Variants in TMEM41B observed in about 807,000 individuals in gnomAD.
The protein encoded by TMEM41B is protein stasimon.
Under a neutral mutation model 31.9 loss-of-function variants are expected in TMEM41B, and 18 were observed. The ratio of observed to expected loss-of-function variants is 0.56; its 90% CI spans 0.39 to 0.84. The LOEUF is 0.84. Among genes scored for constraint, TMEM41B ranks in the 40% least tolerant of loss-of-function variants. The pLI, the probability that TMEM41B is intolerant of heterozygous loss-of-function variation, is 0.00. For synonymous variants in TMEM41B, 144 were observed against 124.3 expected (o/e 1.16, Z -1.05); for missense variants, 322 against 348.0 (o/e 0.93, Z 0.59).
intron 1 of TMEM41B, among the ~76,000 whole-genome samples, chr11:9,303,332 G>A (rs1853301331): frequency 1.3e-5 from 2 of 152,188 alleles, no homozygotes; most frequent in East Asian, 3.9e-4. Context: ...AGAGATGGGG[G>A]TTTCACCATG....
At position 9,295,177 on chromosome 11, in the gene TMEM41B, T is replaced by C. The variant is rs190138183; in HGVS notation, c.368+82A>G. 2.3e-3 allele frequency: 2,893 copies of C among 1,274,242 alleles called. 4 individuals are homozygous for C. Among genetic ancestry groups the C allele is most frequent in the Non-Finnish European group, 2.7e-3 (2,650 of 970,698 alleles). 78.9% of individuals were successfully genotyped at this position (1,274,242 alleles called of 1,614,324 possible). On this transcript the variant is annotated intron_variant, in intron 3 of 6. Transcript: ENST00000528080. ...GCAATAACAAATTTTAAAAGGAAAATAGTTATGTATAAATGAAGAGCAGAC... is the reference window on the plus strand; with the variant it reads ...GCAATAACAAATTTTAAAAGGAAAACAGTTATGTATAAATGAAGAGCAGAC...
intron 6 of TMEM41B, among the ~76,000 whole-genome samples, chr11:9,285,431 C>A (rs1432507245): frequency 6.6e-6 from 1 of 151,898 alleles, no homozygotes; most frequent in Non-Finnish European, 1.5e-5. Context: ...TTATTCTTTT[C>A]AAAAAGACAT....
chr11:9,311,859 T>C (rs1169839319), intron 1 of TMEM41B, among the ~76,000 whole-genome samples: 3 of 152,244 alleles, frequency 2.0e-5, no homozygotes, highest in Non-Finnish European at 2.9e-5. Flanking sequence ...CACAGTCTAC[T>C]AGGCTTAGCT....
intron 1 of TMEM41B, chr11:9,311,784 T>C: frequency 8.7e-6 from 5 of 577,336 alleles, no homozygotes; most frequent in Non-Finnish European, 9.4e-6. Flanking sequence ...TGCTCTCTCA[T>C]CTTCATCATG....
intron 1 of TMEM41B, among the ~76,000 whole-genome samples, 182 bp downstream of exon 1, chr11:9,314,139 G>A (rs950357146): frequency 2.6e-5 from 4 of 152,178 alleles, no homozygotes; most frequent in Non-Finnish European, 5.9e-5. Context: ...CACCTACTCG[G>A]CGTCCGGCCT....
At chr11:9,304,206 C>T (rs917228516) in intron 1 of TMEM41B, among the ~76,000 whole-genome samples, 17 of 152,258 alleles carry the variant, frequency 1.1e-4, no homozygotes, top group African/African-American at 3.8e-4. Flanking sequence ...TAAAAACACA[C>T]TTTAAACATC....
intron 1 of TMEM41B, among the ~76,000 whole-genome samples, chr11:9,306,972 T>G (rs1328350754): frequency 6.6e-6 from 1 of 152,154 alleles, no homozygotes; most frequent in African/African-American, 2.4e-5. Flanking sequence ...TCAACACACT[T>G]CCTTCTATAT....
intron 1 of TMEM41B, among the ~76,000 whole-genome samples, chr11:9,310,034 TA>T (rs1853517753): frequency 2.0e-5 from 3 of 151,066 alleles, no homozygotes; most frequent in Non-Finnish European, 2.9e-5. Flanking sequence ...AATGTATTAT[TA>T]TTATTATTAT....
intron 2 of TMEM41B, among the ~76,000 whole-genome samples, chr11:9,296,603 CA>C (rs1164835040): frequency 0.014 from 1,641 of 118,788 alleles, 25 homozygotes; most frequent in African/African-American, 0.053. Flanking sequence ...GACTCCGTCT[CA>C]AAAAAAAAAA....
At chr11:9,291,941 C>T (rs1324398288) in intron 3 of TMEM41B, among the ~76,000 whole-genome samples, 1 of 152,114 alleles carries the variant, frequency 6.6e-6, no homozygotes, top group East Asian at 1.9e-4. Context: ...CTCCAGACCT[C>T]GTGATCCACC....
chr11:9,295,823 C>T (rs1473871034), intron 2 of TMEM41B, among the ~76,000 whole-genome samples: 3 of 151,494 alleles, frequency 2.0e-5, no homozygotes, highest in African/African-American at 4.9e-5. Flanking sequence ...AGTGAGCAAC[C>T]GCACCTGGCC....
chr11:9,288,275 C>G (rs1264670351), intron 4 of TMEM41B, among the ~76,000 whole-genome samples, 167 bp downstream of exon 4: 1 of 152,118 alleles, frequency 6.6e-6, no homozygotes, highest in Non-Finnish European at 1.5e-5. Context: ...TTGGTCTGTT[C>G]TGGGGGAAAA....
In TMEM41B at chr11:9,284,339, G is replaced by A. The variant is rs530947413; in HGVS notation, c.707-746C>T. 2.0e-5 allele frequency among the ~76,000 whole-genome samples: 3 copies of A among 151,342 alleles called. No individual in the cohort carries two copies. The East Asian group carries it at 5.9e-4, about 30-fold the overall frequency. On this transcript the variant is annotated intron_variant, in intron 6 of 6. Transcript: ENST00000528080. ...ATTTTTGAATTTTTTGTCAAGAGAGGGGGTTTTGCCATATTGCCCAGGCTG... is the reference window on the plus strand; with the variant it reads ...ATTTTTGAATTTTTTGTCAAGAGAGAGGGTTTTGCCATATTGCCCAGGCTG...
intron 6 of TMEM41B, among the ~76,000 whole-genome samples, chr11:9,285,051 C>CG (rs1301203154): frequency 6.6e-6 from 1 of 150,654 alleles, no homozygotes; most frequent in Non-Finnish European, 1.5e-5. Flanking sequence ...TAAGTTTGTC[C>CG]ATTTTTTTTT....
chr11:9,313,627 GAAAT>G (rs1406000730), intron 1 of TMEM41B, among the ~76,000 whole-genome samples: 1 of 152,190 alleles, frequency 6.6e-6, no homozygotes, highest in Non-Finnish European at 1.5e-5. Context: ...ATGTAGTGGG[GAAAT>G]AAACTTTAGA....
chr11:9,308,666 A>G (rs1853458994), intron 1 of TMEM41B, among the ~76,000 whole-genome samples: 1 of 152,178 alleles, frequency 6.6e-6, no homozygotes, highest in Admixed American at 6.6e-5. Context: ...ACAGAAATCC[A>G]TGTCATTGGG....
intron 1 of TMEM41B, among the ~76,000 whole-genome samples, chr11:9,309,646 G>A (rs889989647): frequency 3.3e-5 from 5 of 151,716 alleles, no homozygotes; most frequent in Non-Finnish European, 5.9e-5. Context: ...TTGTCAGCCA[G>A]GCGCAGTGGC....
At chr11:9,287,580 T>C in intron 5 of TMEM41B, 122 bp downstream of exon 5, 1 of 591,858 alleles carries the variant, frequency 1.7e-6, no homozygotes, top group Non-Finnish European at 2.8e-6. Context: ...TCTTATTACT[T>C]GAGTTAACTT....
chr11:9,302,722 C>T lies in TMEM41B; in HGVS notation c.122-3021G>A, dbSNP rs947746188. On this transcript the variant is annotated intron_variant, in intron 1 of 6. Transcript: ENST00000528080. ...GAAGCTTGCTGGAAATTCAGATTCC[C>T]ACTGAAGCAAAAATCTGCATTTTAA... Among the ~76,000 whole-genome samples, 4 of 100,770 alleles carry T rather than the reference C, an allele frequency of 4.0e-5. 1 individual carries two copies. Among genetic ancestry groups the T allele is most frequent in the Non-Finnish European group, 6.4e-5 (3 of 46,796 alleles). The allele number at this position is 100,770 out of a possible 152,430, so 66.1% of individuals were successfully genotyped here.
Sources: gnomAD v4.1 joint callset for allele counts (sites outside exome capture counted in the v4.1 genomes callset) on GRCh38, gnomAD v4.1.1 for gene constraint, MANE v1.5 for transcripts, NCBI Gene and HGNC (gene_info 2026-07-23, HGNC 2026-07-21) for gene names.